Variants in KIF11 observed in about 807,000 individuals in gnomAD.
The protein encoded by KIF11 is kinesin-like protein KIF11.
A neutral mutation model predicts 121.0 loss-of-function variants in KIF11; 9 were observed. That is an observed-to-expected ratio of 0.07 (90% CI 0.04 to 0.13). KIF11 has a LOEUF of 0.13. KIF11 is among the 10% of genes least tolerant of loss of function. The pLI, the probability that KIF11 is intolerant of heterozygous loss-of-function variation, is 1.00. For synonymous variants in KIF11, 408 were observed against 421.0 expected (o/e 0.97, Z 0.38); for missense variants, 846 against 1,217.5 (o/e 0.69, Z 4.54).
chr10:92,649,764 G>T, intron 19 of KIF11, 71 bp from the exon 20 acceptor site: 1 of 1,040,054 alleles, frequency 9.6e-7, no homozygotes, highest in African/African-American at 1.6e-5. Context: ...TAATTAGGAA[G>T]TTTTAGGTTT....
intron 8 of KIF11, among the ~76,000 whole-genome samples, chr10:92,615,847 T>G (rs143066112): frequency 0.021 from 3,147 of 151,246 alleles, 51 homozygotes; most frequent in Admixed American, 0.053. Flanking sequence ...TTTTTGTTTT[T>G]TTTTTTTTTT....
Position 92,649,887 on chromosome 10 carries a change from T to C in KIF11, c.2823T>C (p.Thr941=). 6.2e-7 allele frequency: 1 copy of C among 1,613,132 alleles called. No individual in the cohort carries two copies. Residue 941 remains threonine (T), a synonymous_variant, in exon 20 of 22, where the codon ACT becomes ACC. Coordinates refer to ENST00000260731, the MANE Select transcript of KIF11 (RefSeq NM_004523.4). ...TATACCCATCAACACTGGTAAGAACTGAACCACGTGAACATCTCCTTGATC... is the reference window on the plus strand; with the variant it reads ...TATACCCATCAACACTGGTAAGAACCGAACCACGTGAACATCTCCTTGATC... The part of the protein sequence containing the change: ...SYLYPSTLVR[T]EPREHLLDQL...
At chr10:92,619,347 C>G (rs1301831362) in intron 9 of KIF11, among the ~76,000 whole-genome samples, 3 of 152,050 alleles carry the variant, frequency 2.0e-5, no homozygotes, top group Non-Finnish European at 4.4e-5. Flanking sequence ...AAGTAGTAGT[C>G]CATGGTGAGT....
At chr10:92,646,243 C>T (rs1163536361) in intron 18 of KIF11, among the ~76,000 whole-genome samples, 3 of 152,090 alleles carry the variant, frequency 2.0e-5, no homozygotes, top group Non-Finnish European at 4.4e-5. Flanking sequence ...TGAGCCACTG[C>T]GCCCGGCCTA....
rs760452638 is a variant in KIF11, at chr10:92,645,469, A to G, written c.2374A>G (p.Lys792Glu). 2.5e-6 allele frequency: 4 copies of G among 1,614,102 alleles called. No individual in the cohort carries two copies. In the East Asian group the frequency reaches 6.7e-5, roughly 27 times the overall value. ...ELRNFNQEGT[K>E]LVEESVKHSD... ...CAGAAATTTTAACCAAGAAGGTACAAAATTGGTTGAAGAATCTGTGAAACA... is the reference window on the plus strand; with the variant it reads ...CAGAAATTTTAACCAAGAAGGTACAGAATTGGTTGAAGAATCTGTGAAACA... Residue 792 changes from lysine to glutamate, a missense_variant, in exon 18 of 22, where the codon AAA becomes GAA. Physicochemically the swap from Lys to Glu is moderately conservative, Grantham distance 56. Transcript: ENST00000260731.
At chr10:92,628,964 G>C in intron 11 of KIF11, 69 bp downstream of exon 11, 2 of 870,286 alleles carry the variant, frequency 2.3e-6, no homozygotes, top group Non-Finnish European at 3.6e-6. Flanking sequence ...TAGAATGAAA[G>C]ATCTAATATT....
chr10:92,616,821 G>A lies in KIF11; in HGVS notation c.1117G>A (p.Ala373Thr), dbSNP rs780485814. Residue 373 changes from alanine to threonine, a missense_variant, in exon 9 of 22, where the codon GCT becomes ACT. By Grantham distance (58) the Ala-to-Thr change is moderately conservative. Transcript: ENST00000260731. ...AGTGAATCAGAAACTCACCAAAAAA[G>A]CTCTTATTAAGGTAACTGTGAATTT... ...PEVNQKLTKK[A>T]LIKEYTEEIE... 1.3e-6 allele frequency: 2 copies of A among 1,581,990 alleles called. No homozygotes were observed. The highest frequency in any genetic ancestry group is 3.5e-5 in the Admixed American group (2 of 57,366).
Position 92,613,727 on chromosome 10 carries a change from T to C in KIF11, c.1032+108T>C, listed in dbSNP as rs1242500246. ...GGATGGACACAGTGACTCACACCTG[T>C]AAACCCAGCACTTTGGAAGTCCAAG... On this transcript the variant is annotated intron_variant, in intron 8 of 21. Transcript: ENST00000260731. This position sits in a 1 kb window ranked among gnomAD's most constrained non-coding sequence, Gnocchi z 4.2. 6 of 1,087,526 alleles carry C rather than the reference T, an allele frequency of 5.5e-6. No individual in the cohort carries two copies. Among genetic ancestry groups the C allele is most frequent in the Non-Finnish European group, 7.8e-6 (6 of 770,962 alleles). 67.4% of individuals were successfully genotyped at this position (1,087,526 alleles called of 1,614,324 possible). A position where few individuals can be genotyped will look rare whatever the true frequency, so the allele number is the denominator to read the frequency against.
chr10:92,602,807 AACAC>A lies in KIF11; in HGVS notation c.78-3443_78-3440del, dbSNP rs112100552. ...GATGTCTTTGAACCCTGGTTACTTA[AACAC>A]ACACACACACACACGTGTGTGTGTG... On this transcript the variant is annotated intron_variant, in intron 1 of 21. Transcript: ENST00000260731. 2.2e-3 allele frequency among the ~76,000 whole-genome samples: 303 copies of A among 137,978 alleles called. 3 individuals are homozygous for A. Among genetic ancestry groups the A allele is most frequent in the African/African-American group, 7.6e-3 (283 of 37,266 alleles). The allele number at this position is 137,978 out of a possible 152,430, so 90.5% of individuals were successfully genotyped here.
At chr10:92,609,352 A>T in intron 5 of KIF11, 33 bp from the exon 6 acceptor site, 1 of 1,585,152 alleles carries the variant, frequency 6.3e-7, no homozygotes, top group Non-Finnish European at 8.6e-7. Context: ...GTTTTAACCA[A>T]TCTAATGGAT....
At chr10:92,649,489 A>G (rs577759665) in intron 19 of KIF11, among the ~76,000 whole-genome samples, 71 of 152,316 alleles carry the variant, frequency 4.7e-4, no homozygotes, top group African/African-American at 1.6e-3. Context: ...CTCCTATCAA[A>G]GTAATCATGT....
At chr10:92,646,226 A>G (rs573344940) in intron 18 of KIF11, among the ~76,000 whole-genome samples, 68 of 152,274 alleles carry the variant, frequency 4.5e-4, no homozygotes, top group African/African-American at 1.6e-3. Flanking sequence ...TGCTGGGATT[A>G]CAGGCATGAG....
chr10:92,615,069 T>G (rs1160890985), intron 8 of KIF11, among the ~76,000 whole-genome samples: 10 of 152,006 alleles, frequency 6.6e-5, no homozygotes, highest in Non-Finnish European at 1.5e-4. Context: ...ATGCTGCGAT[T>G]ATAGGCATGA....
chr10:92,606,569 A>G (rs751609310), intron 2 of KIF11, 50 bp from the exon 3 acceptor site: 2 of 1,291,922 alleles, frequency 1.5e-6, no homozygotes, highest in South Asian at 2.6e-5. Context: ...AAAATTATTA[A>G]AATGAGTAAT....
At chr10:92,596,218 T>C (rs890632368) in intron 1 of KIF11, among the ~76,000 whole-genome samples, 1 of 152,216 alleles carries the variant, frequency 6.6e-6, no homozygotes, top group Non-Finnish European at 1.5e-5. Context: ...TTAGCCAGGA[T>C]GGTCTCCATC....
chr10:92,617,294 G>T (rs914495803), intron 9 of KIF11, among the ~76,000 whole-genome samples: 16 of 152,132 alleles, frequency 1.1e-4, no homozygotes, highest in Admixed American at 9.8e-4. Context: ...GCCTTTTCTG[G>T]ACGTTTCCTA....
chr10:92,651,188 G>T (rs1172135474), intron 21 of KIF11, among the ~76,000 whole-genome samples: 1 of 151,720 alleles, frequency 6.6e-6, no homozygotes, highest in African/African-American at 2.4e-5. Context: ...ACCACACCTG[G>T]CTAATTTTTT....
intron 17 of KIF11, among the ~76,000 whole-genome samples, chr10:92,644,746 A>C (rs1297508458): frequency 6.6e-6 from 1 of 152,190 alleles, no homozygotes; most frequent in Non-Finnish European, 1.5e-5. Flanking sequence ...CAAGGTTTAA[A>C]TCTTGTAAGA....
chr10:92,635,773 G>C (rs1407557965), intron 14 of KIF11, among the ~76,000 whole-genome samples: 2 of 152,142 alleles, frequency 1.3e-5, no homozygotes, highest in African/African-American at 4.8e-5. Context: ...CACATAGTAA[G>C]GTGAAGCACA....
Sources: gnomAD v4.1 joint callset for allele counts (sites outside exome capture counted in the v4.1 genomes callset) on GRCh38, gnomAD v4.1.1 for gene constraint, Gnocchi (gnomAD v3.1) non-coding constraint, MANE v1.5 for transcripts, NCBI Gene and HGNC (gene_info 2026-07-23, HGNC 2026-07-21) for gene names.